SDK1: variants seen among roughly 807,000 people sequenced by gnomAD.
SDK1 encodes sidekick cell adhesion molecule 1.
In SDK1, 157 loss-of-function variants were observed where a neutral mutation model predicts 245.5. The observed-to-expected ratio is 0.64, with a 90% CI of 0.56 to 0.73. The LOEUF (loss-of-function observed/expected upper bound fraction) is 0.73, where lower values mean the gene tolerates loss of function less well. SDK1 is among the 30% of genes least tolerant of loss of function. SDK1 has a pLI of 0.00. For synonymous variants in SDK1, 1,647 were observed against 1,278.5 expected (o/e 1.29, Z -6.15); for missense variants, 3,583 against 3,002.3 (o/e 1.19, Z -4.52).
intron 37 of SDK1, 148 bp downstream of exon 37, chr7:4,208,433 G>T (rs1784352455): frequency 1.4e-6 from 1 of 707,778 alleles, no homozygotes; most frequent in Non-Finnish European, 2.4e-6. Flanking sequence ...GGATGGGCAG[G>T]ACTGGGTTTG....
At chr7:3,309,269 T>C (rs1024604587) in intron 1 of SDK1, among the ~76,000 whole-genome samples, 1 of 152,100 alleles carries the variant, frequency 6.6e-6, no homozygotes, top group African/African-American at 2.4e-5. Flanking sequence ...GACCAAGCCC[T>C]TCTATACAAT....
intron 38 of SDK1, among the ~76,000 whole-genome samples, chr7:4,211,084 G>C (rs559937804): frequency 1.3e-5 from 2 of 152,276 alleles, no homozygotes; most frequent in Admixed American, 6.5e-5. Flanking sequence ...TATCCCACTG[G>C]AGAGTGACAC....
chr7:3,962,951 T>C lies in SDK1; in HGVS notation c.1429+100T>C, dbSNP rs563851934. ...ATGTAACCAGTGGGTACACCCAGGC[T>C]CACAGCTACCTGACCTGGACGTATC... On this transcript the variant is annotated intron_variant, in intron 9 of 44. Coordinates refer to ENST00000404826, the MANE Select transcript of SDK1 (RefSeq NM_152744.4). The C allele has an allele frequency of 1.6e-3, 763 of 489,432 alleles. 12 individuals carry two copies. The East Asian group carries it at 0.027, about 17-fold the overall frequency. 30.3% of individuals were successfully genotyped at this position (489,432 alleles called of 1,614,324 possible). A position where few individuals can be genotyped will look rare whatever the true frequency, so the allele number is the denominator to read the frequency against.
Position 4,265,979 on chromosome 7 carries a change from C to T in SDK1, c.*595C>T. 1 of 985,616 alleles carries T rather than the reference C, an allele frequency of 1.0e-6. No individual in the cohort carries two copies. Among genetic ancestry groups the T allele is most frequent in the Non-Finnish European group, 1.2e-6 (1 of 830,052 alleles). The allele number at this position is 985,616 out of a possible 1,614,324, so 61.1% of individuals were successfully genotyped here. ...TAGTCAAGGAGTCGGCTTTCAGGTT[C>T]CTGACGGCCAGGCAGGGATGCTAAG... is the stretch of plus-strand genomic sequence containing the variant. On this transcript the variant is annotated 3_prime_UTR_variant, in exon 45 of 45. Coordinates refer to ENST00000404826, the MANE Select transcript of SDK1 (RefSeq NM_152744.4).
Position 4,135,166 on chromosome 7 carries a change from C to A in SDK1, c.4228+2743C>A, listed in dbSNP as rs189219776. The stretch of plus-strand genomic sequence containing the variant: ...TCTCTGACATTTCTTTTTCCGATGA[C>A]AAGAGCACTATAAAATGATAATTGA... On this transcript the variant is annotated intron_variant, in intron 28 of 44. Coordinates refer to ENST00000404826, the MANE Select transcript of SDK1 (RefSeq NM_152744.4). Among the ~76,000 whole-genome samples, 162 of 152,296 alleles carry A rather than the reference C, an allele frequency of 1.1e-3. 1 individual carries two copies. Among genetic ancestry groups the A allele is most frequent in the Non-Finnish European group, 2.0e-3 (138 of 68,018 alleles).
intron 35 of SDK1, among the ~76,000 whole-genome samples, chr7:4,189,485 C>T (rs1166648347): frequency 6.6e-6 from 1 of 152,228 alleles, no homozygotes; most frequent in Non-Finnish European, 1.5e-5. Context: ...GAGTGTCCAG[C>T]ACTGTGGCCT....
At chr7:4,132,214 G>T in intron 27 of SDK1, 111 bp from the exon 28 acceptor site, 2 of 804,602 alleles carry the variant, frequency 2.5e-6, no homozygotes, top group Non-Finnish European at 4.1e-6. Context: ...CCACGACAGT[G>T]TAGCCTGTGG....
intron 1 of SDK1, among the ~76,000 whole-genome samples, chr7:3,529,578 G>A (rs1479270150): frequency 2.6e-5 from 4 of 151,962 alleles, no homozygotes; most frequent in Non-Finnish European, 5.9e-5. Context: ...TGTTGTTTAC[G>A]GTAGAATGGC....
At chr7:3,769,404 A>C (rs1162955955) in intron 4 of SDK1, among the ~76,000 whole-genome samples, 1 of 152,060 alleles carries the variant, frequency 6.6e-6, no homozygotes, top group East Asian at 1.9e-4. Flanking sequence ...CTCTCTTCTT[A>C]CAAAGCCACA....
chr7:3,699,605 G>A (rs1033693340), intron 4 of SDK1, among the ~76,000 whole-genome samples: 1 of 152,082 alleles, frequency 6.6e-6, no homozygotes, highest in Non-Finnish European at 1.5e-5. Flanking sequence ...AGAGAAAACA[G>A]ACTAAACAAA....
In SDK1 at chr7:3,424,445, A is replaced by G. The variant is rs188622943; in HGVS notation, c.298+122561A>G. Among the ~76,000 whole-genome samples the G allele has an allele frequency of 1.9e-3, 289 of 152,320 alleles. 1 individual carries two copies. The highest frequency in any genetic ancestry group is 3.4e-3 in the Non-Finnish European group (232 of 68,018). ...GTTTATGAACTTTGTGGGCTGATTCAGGAAATCTTTTCACACTGATAAAAA... is the reference window on the plus strand; with the variant it reads ...GTTTATGAACTTTGTGGGCTGATTCGGGAAATCTTTTCACACTGATAAAAA... On this transcript the variant is annotated intron_variant, in intron 1 of 44. Transcript: ENST00000404826.
chr7:3,459,438 C>T (rs909726602), intron 1 of SDK1, among the ~76,000 whole-genome samples: 2 of 152,156 alleles, frequency 1.3e-5, no homozygotes, highest in Non-Finnish European at 2.9e-5. Context: ...GATGTAGCCA[C>T]TCCCCAGTGC....
chr7:4,003,360 A>G (rs1379617899), intron 14 of SDK1, among the ~76,000 whole-genome samples: 1 of 152,174 alleles, frequency 6.6e-6, no homozygotes, highest in African/African-American at 2.4e-5. Flanking sequence ...TGGACCCGCC[A>G]CCCAGCTTCC....
intron 41 of SDK1, among the ~76,000 whole-genome samples, chr7:4,234,291 T>C (rs1189064422): frequency 6.6e-6 from 1 of 152,136 alleles, no homozygotes; most frequent in Non-Finnish European, 1.5e-5. Flanking sequence ...TACCGCAGGC[T>C]CCAGAGGCCA....
chr7:3,474,976 C>T (rs1483605603), intron 1 of SDK1, among the ~76,000 whole-genome samples: 1 of 152,202 alleles, frequency 6.6e-6, no homozygotes, highest in Non-Finnish European at 1.5e-5. Flanking sequence ...CAGGTGTGAG[C>T]CACCGTGTCC....
At chr7:3,644,759 C>G (rs1277985722) in intron 4 of SDK1, among the ~76,000 whole-genome samples, 1 of 106,834 alleles carries the variant, frequency 9.4e-6, no homozygotes, top group Admixed American at 1.2e-4. Flanking sequence ...GGTGACAGAG[C>G]AAGACCCTGT....
Position 4,149,431 on chromosome 7 carries a change from C to A in SDK1, c.4593C>A (p.Ile1531=). 2 of 1,567,886 alleles carry A rather than the reference C, an allele frequency of 1.3e-6. No individual in the cohort carries two copies. Among genetic ancestry groups the A allele is most frequent in the South Asian group, 2.4e-5 (2 of 83,864 alleles). Residue 1531 remains isoleucine, a synonymous_variant, in exon 30 of 45, where the codon ATC becomes ATA. Coordinates refer to ENST00000404826, the MANE Select transcript of SDK1 (RefSeq NM_152744.4). ...RGEWQTYSSS[I]SHEATACVVD... is the part of the protein sequence containing the mutation. The stretch of plus-strand genomic sequence containing the variant: ...AGTGGCAGACCTACTCCTCGTCCAT[C>A]AGCCATGAGGCGACAGCATGCGTCG...
chr7:4,206,084 C>T (rs1784207543), intron 36 of SDK1, 90 bp downstream of exon 36: 3 of 822,964 alleles, frequency 3.6e-6, no homozygotes, highest in South Asian at 1.8e-5. Flanking sequence ...AGCAGCAGAC[C>T]CCGCAGGCGC....
At chr7:3,969,507 T>A in intron 11 of SDK1, 83 bp downstream of exon 11, 1 of 1,074,452 alleles carries the variant, frequency 9.3e-7, no homozygotes. Flanking sequence ...GATGTCAGCA[T>A]GCCCTTGGGC....
Sources: gnomAD v4.1 joint callset for allele counts (sites outside exome capture counted in the v4.1 genomes callset) on GRCh38, gnomAD v4.1.1 for gene constraint, MANE v1.5 for transcripts, NCBI Gene and HGNC (gene_info 2026-07-23, HGNC 2026-07-21) for gene names.